The following TBX15 variants were observed in gnomAD, a reference collection of about 807,000 sequenced individuals.
The protein encoded by TBX15 is T-box transcription factor 15.
In TBX15, 18 loss-of-function variants were observed where a neutral mutation model predicts 53.9. The ratio of observed to expected loss-of-function variants is 0.33; its 90% CI spans 0.23 to 0.49. The LOEUF is 0.49. TBX15 is among the 20% of genes least tolerant of loss of function. TBX15 has a pLI of 0.98. For missense variants in TBX15, 692 were observed against 749.5 expected, an observed-to-expected ratio of 0.92 and a Z score of 0.90; for synonymous variants, 295 against 278.0, an observed-to-expected ratio of 1.06 and a Z score of -0.61.
chr1:118,915,979 T>A (rs897579570), intron 5 of TBX15, among the ~76,000 whole-genome samples: 1 of 152,288 alleles, frequency 6.6e-6, no homozygotes, highest in Non-Finnish European at 1.5e-5. Flanking sequence ...AAAAAAACAA[T>A]ATCTGTACAC....
chr1:118,953,817 A>T (rs1268449734), intron 1 of TBX15, among the ~76,000 whole-genome samples: 1 of 152,234 alleles, frequency 6.6e-6, no homozygotes, highest in African/African-American at 2.4e-5. Flanking sequence ...ACATTATTTC[A>T]GCAGATCTGA....
chr1:118,915,873 C>T (rs998448296), intron 5 of TBX15, among the ~76,000 whole-genome samples: 1 of 152,100 alleles, frequency 6.6e-6, no homozygotes, highest in Admixed American at 6.5e-5. Flanking sequence ...TTCATGGGCC[C>T]GGGGGAAATG....
chr1:118,971,499 G>T (rs1282110341), intron 1 of TBX15, among the ~76,000 whole-genome samples: 2 of 152,202 alleles, frequency 1.3e-5, no homozygotes, highest in African/African-American at 4.8e-5. Flanking sequence ...ATTCAAAGAT[G>T]AGTAAGACAC....
intron 1 of TBX15, among the ~76,000 whole-genome samples, chr1:118,983,190 T>C (rs961116243): frequency 6.6e-5 from 10 of 152,114 alleles, no homozygotes; most frequent in African/African-American, 2.2e-4. Context: ...GAAGGGACCT[T>C]TGGAGATGCA....
intron 1 of TBX15, among the ~76,000 whole-genome samples, chr1:118,948,931 G>A (rs1033691401): frequency 1.3e-5 from 2 of 152,184 alleles, no homozygotes; most frequent in African/African-American, 4.8e-5. Flanking sequence ...AACTGCCTGT[G>A]AAAGACCTCT....
intron 1 of TBX15, among the ~76,000 whole-genome samples, chr1:118,951,538 T>C (rs1220366136): frequency 6.6e-6 from 1 of 152,222 alleles, no homozygotes; most frequent in African/African-American, 2.4e-5. Flanking sequence ...CCTCTCTTGT[T>C]GGCAAGGTCT....
At chr1:118,973,782 A>G (rs61806235) in intron 1 of TBX15, among the ~76,000 whole-genome samples, 12,327 of 151,970 alleles carry the variant, frequency 0.081, 722 homozygotes, top group Non-Finnish European at 0.11. Context: ...ATACACACAC[A>G]CACACGCACA....
intron 6 of TBX15, among the ~76,000 whole-genome samples, chr1:118,912,369 G>C (rs946793665): frequency 3.3e-5 from 5 of 152,028 alleles, no homozygotes; most frequent in African/African-American, 1.2e-4. Context: ...GGAAAAATGT[G>C]CATCTATTCA....
rs1179701374 is a variant in TBX15, at chr1:118,884,773, C to T, written c.1768G>A (p.Val590Ile). ...NTCDGRQYGA[V>I]PGSSSQMSVH... ...GACATCTGGGAGGAGGAGCCTGGAA[C>T]TGCCCCATACTGCCGGCCATCACAA... is the stretch of plus-strand genomic sequence containing the variant. Residue 590 changes from valine to isoleucine, a missense_variant, in exon 8 of 8, where the codon GTT (valine) becomes ATT (isoleucine). Transcript: ENST00000369429. 1 of 1,614,132 alleles carries T rather than the reference C, an allele frequency of 6.2e-7. No individual in the cohort carries two copies. Among genetic ancestry groups the T allele is most frequent in the Admixed American group, 1.7e-5 (1 of 60,022 alleles).
chr1:118,979,227 T>C (rs1456566991), intron 1 of TBX15, among the ~76,000 whole-genome samples: 1 of 152,018 alleles, frequency 6.6e-6, no homozygotes. Context: ...AATAAAAGAA[T>C]TCGTTCATTG....
chr1:118,904,542 A>G (rs1443886163), intron 6 of TBX15, among the ~76,000 whole-genome samples: 1 of 152,196 alleles, frequency 6.6e-6, no homozygotes, highest in East Asian at 1.9e-4. Context: ...TGTGCCTTGC[A>G]ATGGTTTGGG....
chr1:118,935,206 T>G (rs1416275402), intron 1 of TBX15, among the ~76,000 whole-genome samples: 1 of 152,138 alleles, frequency 6.6e-6, no homozygotes, highest in Non-Finnish European at 1.5e-5. Context: ...TTATAGAAAA[T>G]ATTTTGGCTA....
At chr1:118,963,087 C>T (rs1656930852) in intron 1 of TBX15, among the ~76,000 whole-genome samples, 1 of 152,192 alleles carries the variant, frequency 6.6e-6, no homozygotes, top group East Asian at 1.9e-4. Context: ...AACCTTTATG[C>T]TGTAAAGCCT....
intron 5 of TBX15, among the ~76,000 whole-genome samples, chr1:118,916,057 T>G (rs1406520831): frequency 3.3e-5 from 5 of 152,204 alleles, no homozygotes; most frequent in African/African-American, 1.2e-4. Context: ...CACTTATCAT[T>G]TATCATCAAG....
intron 6 of TBX15, among the ~76,000 whole-genome samples, chr1:118,907,347 C>T (rs781027872): frequency 1.8e-4 from 28 of 152,220 alleles, no homozygotes; most frequent in Non-Finnish European, 4.1e-4. Context: ...TCATAGAACC[C>T]TTCACTACTC....
intron 3 of TBX15, among the ~76,000 whole-genome samples, chr1:118,925,693 C>T (rs1779438): frequency 9.9e-5 from 15 of 151,888 alleles, no homozygotes; most frequent in East Asian, 1.9e-4. Context: ...CCCTAAAACA[C>T]GCTGGAAGCA....
intron 1 of TBX15, among the ~76,000 whole-genome samples, chr1:118,962,181 T>C (rs1656898383): frequency 6.6e-6 from 1 of 152,224 alleles, no homozygotes; most frequent in African/African-American, 2.4e-5. Flanking sequence ...TAAGGAAAAC[T>C]GTGTAAGGGT....
intron 1 of TBX15, among the ~76,000 whole-genome samples, chr1:118,942,637 G>A (rs1656218678): frequency 6.6e-6 from 1 of 152,166 alleles, no homozygotes; most frequent in African/African-American, 2.4e-5. Context: ...ATGACTGTGA[G>A]CTGTGTCAAA....
At chr1:118,898,952 A>G in intron 7 of TBX15, 76 bp downstream of exon 7, 1 of 1,436,510 alleles carries the variant, frequency 7.0e-7, no homozygotes, top group East Asian at 2.3e-5. Context: ...CTGAGGCCAG[A>G]TGTGCTATAT....
Sources: gnomAD v4.1 joint callset for allele counts (sites outside exome capture counted in the v4.1 genomes callset) on GRCh38, gnomAD v4.1.1 for gene constraint, MANE v1.5 for transcripts, NCBI Gene and HGNC (gene_info 2026-07-23, HGNC 2026-07-21) for gene names.